The following SRPK2 variants were observed in gnomAD, a reference collection of about 807,000 sequenced individuals.
SRPK2 encodes SRSF protein kinase 2.
SRPK2 carries 21 observed loss-of-function variants against 90.8 expected under a neutral mutation model. That is an observed-to-expected ratio of 0.23 (90% CI 0.16 to 0.33). SRPK2 has a LOEUF of 0.33. Among genes scored for constraint, SRPK2 ranks in the 10% least tolerant of loss-of-function variants. The pLI, the probability that SRPK2 is intolerant of heterozygous loss-of-function variation, is 1.00. For synonymous variants in SRPK2, 288 were observed against 311.1 expected (o/e 0.93, Z 0.78); for missense variants, 620 against 869.0 (o/e 0.71, Z 3.60).
At chr7:105,148,960 T>C (rs975338540) in intron 7 of SRPK2, among the ~76,000 whole-genome samples, 10 of 152,124 alleles carry the variant, frequency 6.6e-5, no homozygotes, top group Non-Finnish European at 1.0e-4. Flanking sequence ...CAATGCACTG[T>C]GGAAAGCTGC....
intron 2 of SRPK2, among the ~76,000 whole-genome samples, chr7:105,257,205 T>C (rs531809156): frequency 2.0e-5 from 3 of 152,354 alleles, no homozygotes; most frequent in Non-Finnish European, 2.9e-5. Context: ...GGTGGATGGA[T>C]AACAAATAAA....
At chr7:105,267,823 T>C (rs1236622776) in intron 2 of SRPK2, among the ~76,000 whole-genome samples, 1 of 152,126 alleles carries the variant, frequency 6.6e-6, no homozygotes, top group Admixed American at 6.6e-5. Flanking sequence ...ATTTCTCCAT[T>C]ATTTTTCTAA....
chr7:105,249,331 A>G (rs1282375904), intron 2 of SRPK2, among the ~76,000 whole-genome samples: 1 of 152,220 alleles, frequency 6.6e-6, no homozygotes, highest in Non-Finnish European at 1.5e-5. Flanking sequence ...AAAGCCATCT[A>G]CATTACTTAT....
intron 2 of SRPK2, among the ~76,000 whole-genome samples, chr7:105,262,652 CCAA>C (rs1031065368): frequency 1.4e-4 from 22 of 152,246 alleles, no homozygotes; most frequent in Admixed American, 9.8e-4. Context: ...AGCAGTGCCT[CCAA>C]CAACAACACC....
chr7:105,315,486 T>C (rs1400675421), intron 2 of SRPK2, among the ~76,000 whole-genome samples: 4 of 152,048 alleles, frequency 2.6e-5, no homozygotes, highest in Non-Finnish European at 2.9e-5. Context: ...TGGCACAGAG[T>C]GAACACTAAT....
chr7:105,241,996 C>T (rs974232403), intron 2 of SRPK2, among the ~76,000 whole-genome samples: 1 of 151,788 alleles, frequency 6.6e-6, no homozygotes, highest in African/African-American at 2.4e-5. Context: ...TCCAACAAGC[C>T]CAAGGATCAG....
chr7:105,327,892 G>A (rs999896118), intron 2 of SRPK2, among the ~76,000 whole-genome samples: 6 of 152,090 alleles, frequency 3.9e-5, no homozygotes, highest in African/African-American at 1.4e-4. Flanking sequence ...GCTCCACCTC[G>A]CAGGTTCACG....
intron 2 of SRPK2, among the ~76,000 whole-genome samples, chr7:105,250,796 G>A (rs932845728): frequency 3.9e-5 from 6 of 152,150 alleles, no homozygotes; most frequent in Non-Finnish European, 8.8e-5. Flanking sequence ...CATAAAACCT[G>A]TAATTCCATT....
chr7:105,367,067 GTT>G (rs57405823), intron 2 of SRPK2, among the ~76,000 whole-genome samples: 2 of 143,440 alleles, frequency 1.4e-5, no homozygotes, highest in Admixed American at 7.0e-5. Flanking sequence ...CTTTTTTTTT[GTT>G]TTTTTTTTTG....
At chr7:105,365,684 AG>A (rs1818962947) in intron 2 of SRPK2, among the ~76,000 whole-genome samples, 1 of 151,450 alleles carries the variant, frequency 6.6e-6, no homozygotes, top group African/African-American at 2.4e-5. Context: ...CTGCAGTCTC[AG>A]CTACTCGGGG....
At chr7:105,238,163 A>T (rs150376151) in intron 2 of SRPK2, among the ~76,000 whole-genome samples, 4 of 152,212 alleles carry the variant, frequency 2.6e-5, no homozygotes, top group African/African-American at 9.6e-5. Context: ...CAAAATTAAC[A>T]ATCATTTTCA....
At chr7:105,392,257 G>A (rs914210075), upstream of SRPK2, among the ~76,000 whole-genome samples, 1 of 152,182 alleles carries the variant, frequency 6.6e-6, no homozygotes, top group African/African-American at 2.4e-5. Context: ...TGATGAAGAT[G>A]TTTTGGTGCT....
At chr7:105,343,518 G>C (rs756529887) in intron 2 of SRPK2, among the ~76,000 whole-genome samples, 25 of 152,156 alleles carry the variant, frequency 1.6e-4, no homozygotes, top group Non-Finnish European at 2.8e-4. Context: ...ACAAGGTGAA[G>C]GCCAGGAAAT....
chr7:105,282,855 C>T (rs944616057), intron 2 of SRPK2, among the ~76,000 whole-genome samples: 1 of 149,862 alleles, frequency 6.7e-6, no homozygotes, highest in Non-Finnish European at 1.5e-5. Flanking sequence ...AAAAGAAAAC[C>T]CACAAGATGG....
intron 2 of SRPK2, among the ~76,000 whole-genome samples, chr7:105,362,982 A>G (rs1818606924): frequency 6.6e-6 from 1 of 152,136 alleles, no homozygotes; most frequent in Non-Finnish European, 1.5e-5. Context: ...ATAGGAACTG[A>G]ACAATGAGAA....
rs189825491 is a variant in SRPK2 at position 105,235,001 on chromosome 7, T to C, written c.72-31216A>G. 2.0e-5 allele frequency among the ~76,000 whole-genome samples: 3 copies of C among 152,334 alleles called. No individual in the cohort carries two copies. In the East Asian group the frequency reaches 5.8e-4, roughly 29 times the overall value. On this transcript the variant is annotated intron_variant, in intron 2 of 15. Transcript: ENST00000393651. ...CAAACTTTCCTAAAACATGAGTTAT[T>C]TCTGCAATTTTTTAAGCTCATCAGC...
chr7:105,159,549 T>A (rs1372000716), intron 7 of SRPK2, among the ~76,000 whole-genome samples: 1 of 146,402 alleles, frequency 6.8e-6, no homozygotes, highest in African/African-American at 2.5e-5. Context: ...AACAGAAATA[T>A]CAAAGATGCT....
chr7:105,240,262 G>C (rs573588860), intron 2 of SRPK2, among the ~76,000 whole-genome samples: 1 of 152,244 alleles, frequency 6.6e-6, no homozygotes, highest in South Asian at 2.1e-4. Context: ...ACTCATGAGA[G>C]CTATGTGTTG....
intron 3 of SRPK2, among the ~76,000 whole-genome samples, chr7:105,176,600 T>TGTATATAC (rs1316060843): frequency 4.0e-5 from 4 of 100,278 alleles, no homozygotes; most frequent in Non-Finnish European, 5.7e-5. Flanking sequence ...TGTGTGTGTG[T>TGTATATAC]GTGTGTGTGT....
Sources: allele counts gnomAD v4.1 joint callset (sites outside exome capture counted in the v4.1 genomes callset), GRCh38; gene constraint gnomAD v4.1.1; transcripts MANE v1.5; gene names NCBI Gene and HGNC (gene_info 2026-07-23, HGNC 2026-07-21).